The following RASGRF2 variants were observed in gnomAD, a reference collection of about 807,000 sequenced individuals.
RASGRF2 encodes ras-specific guanine nucleotide-releasing factor 2.
RASGRF2 carries 76 observed loss-of-function variants against 151.0 expected under a neutral mutation model. The ratio of observed to expected loss-of-function variants is 0.50; its 90% CI spans 0.42 to 0.61. The LOEUF (loss-of-function observed/expected upper bound fraction) is 0.61. Ranked by LOEUF, RASGRF2 falls within the 20% of genes least tolerant of loss-of-function variation. The pLI, the probability that RASGRF2 is intolerant of heterozygous loss-of-function variation, is 0.00. For missense variants in RASGRF2, 1,148 were observed against 1,564.6 expected, an observed-to-expected ratio of 0.73 and a Z score of 4.49; for synonymous variants, 504 against 566.5, an observed-to-expected ratio of 0.89 and a Z score of 1.57.
chr5:81,014,654 T>A (rs989709245), intron 1 of RASGRF2, among the ~76,000 whole-genome samples: 1 of 152,152 alleles, frequency 6.6e-6, no homozygotes, highest in Non-Finnish European at 1.5e-5. Flanking sequence ...TGTGCTAATA[T>A]GATATTTTAC....
intron 1 of RASGRF2, among the ~76,000 whole-genome samples, chr5:81,040,796 G>A (rs1168367663): frequency 2.6e-5 from 4 of 152,134 alleles, no homozygotes; most frequent in African/African-American, 9.7e-5. Context: ...CCTCAGCTTG[G>A]TTTACTGCTT....
chr5:81,200,868 C>T (rs1181411889), intron 18 of RASGRF2, among the ~76,000 whole-genome samples: 2 of 152,074 alleles, frequency 1.3e-5, no homozygotes, highest in Non-Finnish European at 2.9e-5. Context: ...GTGTTCCAGG[C>T]TATGAGAAGC....
chr5:81,059,777 G>C (rs1431770471), intron 2 of RASGRF2, among the ~76,000 whole-genome samples: 1 of 152,074 alleles, frequency 6.6e-6, no homozygotes, highest in African/African-American at 2.4e-5. Flanking sequence ...CCAGGAGGCG[G>C]AGGTTGCAGT....
chr5:81,101,347 A>T (rs1237993435), intron 12 of RASGRF2, among the ~76,000 whole-genome samples: 1 of 151,732 alleles, frequency 6.6e-6, no homozygotes, highest in African/African-American at 2.4e-5. Flanking sequence ...ATTCTATTAT[A>T]GTTTAACTTT....
At chr5:80,961,702 C>T (rs1747563323) in intron 1 of RASGRF2, among the ~76,000 whole-genome samples, 1 of 152,142 alleles carries the variant, frequency 6.6e-6, no homozygotes, top group Non-Finnish European at 1.5e-5. Flanking sequence ...AAGAACGCTT[C>T]TGTACTTTTA....
At chr5:80,995,379 C>CATATATATATAT (rs751207758) in intron 1 of RASGRF2, among the ~76,000 whole-genome samples, 6 of 132,278 alleles carry the variant, frequency 4.5e-5, no homozygotes, top group African/African-American at 1.3e-4. Flanking sequence ...AATGGAATTT[C>CATATATATATAT]ATATATATAT....
intron 18 of RASGRF2, among the ~76,000 whole-genome samples, chr5:81,190,583 T>A (rs550683041): frequency 6.6e-6 from 1 of 152,350 alleles, no homozygotes; most frequent in African/African-American, 2.4e-5. Flanking sequence ...AAGTATGGAT[T>A]TTCTTTTCTT....
chr5:81,031,327 C>T (rs550917787), intron 1 of RASGRF2, among the ~76,000 whole-genome samples: 95 of 152,320 alleles, frequency 6.2e-4, no homozygotes, highest in African/African-American at 1.9e-3. Flanking sequence ...AACTCTCCAC[C>T]CCAAATCAAC....
intron 2 of RASGRF2, among the ~76,000 whole-genome samples, chr5:81,053,219 G>A (rs1008948121): frequency 6.6e-6 from 1 of 151,312 alleles, no homozygotes; most frequent in African/African-American, 2.4e-5. Context: ...TTGGTGTGCT[G>A]CACCCATTAA....
At chr5:81,198,662 A>G (rs1300947895) in intron 18 of RASGRF2, among the ~76,000 whole-genome samples, 1 of 152,088 alleles carries the variant, frequency 6.6e-6, no homozygotes, top group Non-Finnish European at 1.5e-5. Context: ...GATGGTCTCG[A>G]TCTCCTGACC....
chr5:81,086,014 A>T, intron 8 of RASGRF2, 103 bp downstream of exon 8: 1 of 1,507,246 alleles, frequency 6.6e-7, no homozygotes, highest in Middle Eastern at 1.8e-4. Flanking sequence ...AGCAAAACAA[A>T]TCCAGCTTCT....
rs564468810 is a variant in RASGRF2, at chr5:81,147,722, C to T, written c.2686+20559C>T. Among the ~76,000 whole-genome samples, 427 of 152,300 alleles carry T rather than the reference C, an allele frequency of 2.8e-3. 4 individuals carry two copies. Among genetic ancestry groups the T allele is most frequent in the African/African-American group, 8.7e-3 (363 of 41,568 alleles). ...GTCTAGCATTTGAATGGTAACAGCG[C>T]AGATGTTACCTGCCTATAATCCTCC... On this transcript the variant is annotated intron_variant, in intron 17 of 26. Transcript: ENST00000265080.
chr5:81,127,923 CAAAAAAAAAAAA>C lies in RASGRF2; in HGVS notation c.2686+773_2686+784del, dbSNP rs60196392. ...TGTGTGACAGAGCAAGACTCCGTCT[CAAAAAAAAAAAA>C]AAAAAAAAAAAAGAAAAGAAAAGAA... On this transcript the variant is annotated intron_variant, in intron 17 of 26. Coordinates refer to ENST00000265080, the MANE Select transcript of RASGRF2 (RefSeq NM_006909.3). Among the ~76,000 whole-genome samples, 147 of 64,886 alleles carry C rather than the reference CAAAAAAAAAAAA, an allele frequency of 2.3e-3. 1 individual carries two copies. The East Asian group carries it at 0.04, about 18-fold the overall frequency. The allele number at this position is 64,886 out of a possible 152,430, so 42.6% of individuals were successfully genotyped here.
intron 1 of RASGRF2, among the ~76,000 whole-genome samples, chr5:80,989,385 G>A (rs1748578320): frequency 6.6e-6 from 1 of 152,112 alleles, no homozygotes; most frequent in African/African-American, 2.4e-5. Flanking sequence ...CCTTACCTAA[G>A]GGTACCAGAT....
At chr5:81,119,908 G>A (rs1561216548) in intron 15 of RASGRF2, among the ~76,000 whole-genome samples, 1 of 152,076 alleles carries the variant, frequency 6.6e-6, no homozygotes. Flanking sequence ...TCATTTTAGA[G>A]TTCCAGTACT....
intron 18 of RASGRF2, among the ~76,000 whole-genome samples, chr5:81,198,356 A>G (rs1432765973): frequency 6.6e-6 from 1 of 152,148 alleles, no homozygotes; most frequent in Non-Finnish European, 1.5e-5. Flanking sequence ...TATAAGTGAA[A>G]ACATGTGATA....
rs1296046890 is a variant in RASGRF2 at position 81,215,943 on chromosome 5, A to G, written c.3422A>G (p.Glu1141Gly). 6.5e-7 allele frequency: 1 copy of G among 1,537,420 alleles called. No individual in the cohort carries two copies. Reference protein sequence around the residue: ...SSEGRFKNLRETLKNCNPPAV... With the variant: ...SSEGRFKNLRGTLKNCNPPAV... ...GAAGGAAGATTTAAAAATCTTAGAG[A>G]AACCCTTAAAAAGTATGTCTATCTT... Residue 1141 changes from glutamate to glycine, a missense_variant, in exon 24 of 27, where the codon GAA (glutamate) becomes GGA (glycine). Coordinates refer to ENST00000265080, the MANE Select transcript of RASGRF2 (RefSeq NM_006909.3).
chr5:80,984,129 T>C (rs976293750), intron 1 of RASGRF2, among the ~76,000 whole-genome samples: 6 of 152,186 alleles, frequency 3.9e-5, no homozygotes, highest in Admixed American at 6.5e-5. Context: ...GGCGTGACCT[T>C]GGCTCACTGC....
At chr5:81,195,700 T>C (rs1166706439) in intron 18 of RASGRF2, among the ~76,000 whole-genome samples, 2 of 152,146 alleles carry the variant, frequency 1.3e-5, no homozygotes, top group Non-Finnish European at 2.9e-5. Context: ...TTATCTCTGT[T>C]CCAGATCCCC....
Sources: gnomAD v4.1 joint callset for allele counts (sites outside exome capture counted in the v4.1 genomes callset) on GRCh38, gnomAD v4.1.1 for gene constraint, MANE v1.5 for transcripts, NCBI Gene and HGNC (gene_info 2026-07-23, HGNC 2026-07-21) for gene names.